The following SS18L1 variants were observed in gnomAD, a reference collection of about 807,000 sequenced individuals.
SS18L1 encodes calcium-responsive transactivator.
In SS18L1, 32 loss-of-function variants were observed where a neutral mutation model predicts 70.3. That is an observed-to-expected ratio of 0.46 (90% CI 0.34 to 0.61). SS18L1 has a LOEUF of 0.61. Among genes scored for constraint, SS18L1 ranks in the 20% least tolerant of loss-of-function variants. The pLI is 0.01. For missense variants in SS18L1, 430 were observed against 542.1 expected (o/e 0.79, Z 2.05); for synonymous variants, 237 against 229.7 (o/e 1.03, Z -0.29).
In SS18L1 at chr20:62,158,770, G is replaced by A; in HGVS notation, c.146+22G>A. On this transcript the variant is annotated intron_variant, in intron 2 of 10. Coordinates refer to ENST00000331758, the MANE Select transcript of SS18L1 (RefSeq NM_198935.3). The surrounding 1 kb of genome is among the most constrained non-coding windows in gnomAD (Gnocchi z 4.5). ...CGCAGTGAGTGCCCGCCATACACCG[G>A]AACACTTGGAGGGTGTCATGCAGAG... 6.2e-7 allele frequency: 1 copy of A among 1,612,864 alleles called. No homozygotes were observed. The highest frequency in any genetic ancestry group is 2.2e-5 in the East Asian group (1 of 44,886).
chr20:62,154,381 G>A lies in SS18L1; in HGVS notation c.70-4291G>A, dbSNP rs1403363738. ...GAAAGTGCGTCCATTCCCCCTTCAC[G>A]CCTGGTTGCGGTTTCGGCGGACTAG... On this transcript the variant is annotated intron_variant, in intron 1 of 10. Coordinates refer to ENST00000331758, the MANE Select transcript of SS18L1 (RefSeq NM_198935.3). The A allele has an allele frequency of 7.6e-6, 8 of 1,049,306 alleles. No homozygotes were observed. The East Asian group carries it at 1.6e-4, about 21-fold the overall frequency. The allele number at this position is 1,049,306 out of a possible 1,614,324, so 65.0% of individuals were successfully genotyped here. A position where few individuals can be genotyped will look rare whatever the true frequency, so the allele number is the denominator to read the frequency against.
At chr20:62,173,626 T>C (rs2057569734) in intron 9 of SS18L1, among the ~76,000 whole-genome samples, 1 of 151,990 alleles carries the variant, frequency 6.6e-6, no homozygotes, top group African/African-American at 2.4e-5. Flanking sequence ...GGAGAATTGC[T>C]TGAACCAGGA....
intron 8 of SS18L1, among the ~76,000 whole-genome samples, chr20:62,169,961 C>T (rs6142965): frequency 0.13 from 19,875 of 152,154 alleles, 1,872 homozygotes; most frequent in African/African-American, 0.26. Flanking sequence ...GTGGTGTGGC[C>T]GGGGCCTGTG....
intron 3 of SS18L1, among the ~76,000 whole-genome samples, chr20:62,160,673 C>T (rs539738494): frequency 4.5e-4 from 68 of 152,268 alleles, no homozygotes; most frequent in African/African-American, 1.5e-3. Flanking sequence ...ACAGACATGT[C>T]GCCGGGAATG....
At chr20:62,175,044 G>A in intron 10 of SS18L1, 2 of 744,600 alleles carry the variant, frequency 2.7e-6, no homozygotes, top group African/African-American at 1.9e-5. Context: ...AGACTGTGCT[G>A]AGGACAGAGC....
chr20:62,178,615 A>G (rs965250171), intron 10 of SS18L1, among the ~76,000 whole-genome samples: 1 of 152,116 alleles, frequency 6.6e-6, no homozygotes, highest in African/African-American at 2.4e-5. Context: ...TGGTGCAATC[A>G]CGGCTCACTG....
At chr20:62,149,510 C>T (rs985224121) in intron 1 of SS18L1, among the ~76,000 whole-genome samples, 1 of 152,186 alleles carries the variant, frequency 6.6e-6, no homozygotes. Flanking sequence ...TTGGTGTTAC[C>T]AGGATGGGGA....
In SS18L1 at chr20:62,163,470, A is replaced by C. The variant is rs1185611755; in HGVS notation, c.569A>C (p.Gln190Pro). 1 of 1,612,282 alleles carries C rather than the reference A, an allele frequency of 6.2e-7. No homozygotes were observed. ...NMQSNPVSMM[Q>P]QQAATSHYSS... ...TCCTGTCGTTCAGTCTCCATGATGC[A>C]GCAGCAGGCGGCCACGTCGCACTAC... Residue 190 changes from glutamine (Q) to proline (P), a missense_variant, in exon 6 of 11, where the codon CAG becomes CCG. By Grantham distance (76) the Gln-to-Pro change is moderately conservative. Coordinates refer to ENST00000331758, the MANE Select transcript of SS18L1 (RefSeq NM_198935.3).
rs566766550 is a variant in SS18L1 at position 62,156,564 on chromosome 20, G to A, written c.70-2108G>A. ...CAGGAGAAACCAACCCTGAAGTCGT[G>A]GAGACCGGCGGAGGAGGAAGCTGAG... On this transcript the variant is annotated intron_variant, in intron 1 of 10. Coordinates refer to ENST00000331758, the MANE Select transcript of SS18L1 (RefSeq NM_198935.3). Among the ~76,000 whole-genome samples, 20 of 152,370 alleles carry A rather than the reference G, an allele frequency of 1.3e-4. No homozygotes were observed. In the South Asian group the frequency reaches 3.9e-3, roughly 30 times the overall value.
In SS18L1 at chr20:62,159,504, G is replaced by C. The variant is rs2057285973; in HGVS notation, c.147-373G>C. On this transcript the variant is annotated intron_variant, in intron 2 of 10. Transcript: ENST00000331758. The surrounding 1 kb of genome is among the most constrained non-coding windows in gnomAD (Gnocchi z 4.4). ...CTCTATGGAGTCCGCCCACTGCCTGGCTCAGCTGGACGAGGGCTCTGTCCC... is the reference window on the plus strand; with the variant it reads ...CTCTATGGAGTCCGCCCACTGCCTGCCTCAGCTGGACGAGGGCTCTGTCCC... Among the ~76,000 whole-genome samples, 1 of 152,148 alleles carries C rather than the reference G, an allele frequency of 6.6e-6. No homozygotes were observed. Among genetic ancestry groups the C allele is most frequent in the African/African-American group, 2.4e-5 (1 of 41,408 alleles).
At chr20:62,179,133 C>T in intron 10 of SS18L1, 49 bp from the exon 11 acceptor site, 2 of 1,609,968 alleles carry the variant, frequency 1.2e-6, no homozygotes, top group Non-Finnish European at 1.7e-6. Context: ...GTCTGTCTTC[C>T]TTTCACTCAT....
intron 3 of SS18L1, among the ~76,000 whole-genome samples, chr20:62,160,847 A>G (rs1298837079): frequency 6.6e-6 from 1 of 152,120 alleles, no homozygotes; most frequent in Non-Finnish European, 1.5e-5. Context: ...TTTCTTGGCC[A>G]GGTGTAGACA....
chr20:62,149,373 G>C (rs761777968), intron 1 of SS18L1, among the ~76,000 whole-genome samples: 1 of 152,254 alleles, frequency 6.6e-6, no homozygotes, highest in Non-Finnish European at 1.5e-5. Flanking sequence ...ATGATGGTAG[G>C]AAGGGGGCTC....
At chr20:62,175,794 A>G (rs1438046475) in intron 10 of SS18L1, among the ~76,000 whole-genome samples, 1 of 152,238 alleles carries the variant, frequency 6.6e-6, no homozygotes, top group Admixed American at 6.5e-5. Context: ...AGGTAGATGT[A>G]GAGAAGCCTA....
At chr20:62,172,380 C>A (rs1342132720) in intron 8 of SS18L1, among the ~76,000 whole-genome samples, 2 of 151,922 alleles carry the variant, frequency 1.3e-5, no homozygotes, top group Non-Finnish European at 2.9e-5. Flanking sequence ...AAATAAGGTT[C>A]CATTCACAGG....
chr20:62,157,833 C>T (rs1223017122), intron 1 of SS18L1, among the ~76,000 whole-genome samples: 2 of 152,102 alleles, frequency 1.3e-5, no homozygotes, highest in African/African-American at 2.4e-5. Flanking sequence ...TAGGTCATGC[C>T]CGGTTCCGCA....
At chr20:62,175,866 C>A (rs933159542) in intron 10 of SS18L1, among the ~76,000 whole-genome samples, 3 of 152,192 alleles carry the variant, frequency 2.0e-5, no homozygotes, top group African/African-American at 7.2e-5. Context: ...GGGAAGGGCA[C>A]GCTGATGAGG....
At chr20:62,164,118 C>T (rs909177920) in intron 6 of SS18L1, 27 bp from the exon 7 acceptor site, 1 of 1,544,196 alleles carries the variant, frequency 6.5e-7, no homozygotes, top group African/African-American at 1.4e-5. Flanking sequence ...GCGGCCCGCA[C>T]TGGCGCTGAA....
Position 62,158,769 on chromosome 20 carries a change from G to A in SS18L1, c.146+21G>A, listed in dbSNP as rs145671238. 489 of 1,612,962 alleles carry A rather than the reference G, an allele frequency of 3.0e-4. 2 individuals carry two copies. In the African/African-American group the frequency reaches 5.7e-3, roughly 19 times the overall value. ...ACGCAGTGAGTGCCCGCCATACACCGGAACACTTGGAGGGTGTCATGCAGA... is the reference window on the plus strand; with the variant it reads ...ACGCAGTGAGTGCCCGCCATACACCAGAACACTTGGAGGGTGTCATGCAGA... On this transcript the variant is annotated intron_variant, in intron 2 of 10. Transcript: ENST00000331758. The surrounding 1 kb of genome is among the most constrained non-coding windows in gnomAD (Gnocchi z 4.5).
Sources: gnomAD v4.1 joint callset for allele counts (sites outside exome capture counted in the v4.1 genomes callset) on GRCh38, gnomAD v4.1.1 for gene constraint, Gnocchi (gnomAD v3.1) non-coding constraint, MANE v1.5 for transcripts, NCBI Gene and HGNC (gene_info 2026-07-23, HGNC 2026-07-21) for gene names.